UNC5C: variants seen among roughly 807,000 people sequenced by gnomAD.
The protein encoded by UNC5C is unc-5 netrin receptor C.
In UNC5C, 47 loss-of-function variants were observed where a neutral mutation model predicts 99.8. That is an observed-to-expected ratio of 0.47 (90% CI 0.37 to 0.60). The LOEUF (loss-of-function observed/expected upper bound fraction) is 0.60, where lower values mean the gene tolerates loss of function less well. Among genes scored for constraint, UNC5C ranks in the 20% least tolerant of loss-of-function variants. The probability of loss-of-function intolerance (pLI) is 0.00; values close to 1 mark genes in which losing one functional copy is unlikely to be tolerated. For synonymous variants in UNC5C, 487 were observed against 452.2 expected, an observed-to-expected ratio of 1.08 and a Z score of -0.98; for missense variants, 1,062 against 1,165.9, an observed-to-expected ratio of 0.91 and a Z score of 1.30.
At chr4:95,179,712 A>C (rs944254918) in intron 14 of UNC5C, among the ~76,000 whole-genome samples, 15 of 143,362 alleles carry the variant, frequency 1.0e-4, no homozygotes, top group Admixed American at 9.1e-4. Context: ...GTGCCACTGC[A>C]CTCCAGCCTG....
intron 1 of UNC5C, among the ~76,000 whole-genome samples, chr4:95,504,491 T>C (rs1429487096): frequency 6.6e-6 from 1 of 152,154 alleles, no homozygotes; most frequent in Non-Finnish European, 1.5e-5. Context: ...ACTAAACTTC[T>C]CAATAGCACT....
At chr4:95,255,134 C>T (rs753241325) in intron 4 of UNC5C, among the ~76,000 whole-genome samples, 6 of 152,012 alleles carry the variant, frequency 3.9e-5, no homozygotes, top group Non-Finnish European at 7.4e-5. Flanking sequence ...TGCCCACCAC[C>T]ATGCCAGGCT....
At chr4:95,440,127 T>C (rs147854496) in intron 1 of UNC5C, among the ~76,000 whole-genome samples, 98 of 152,306 alleles carry the variant, frequency 6.4e-4, no homozygotes, top group South Asian at 8.3e-4. Flanking sequence ...GATACCTTTG[T>C]TGGTTTTCCT....
intron 1 of UNC5C, among the ~76,000 whole-genome samples, chr4:95,418,580 G>A (rs1472549423): frequency 6.6e-6 from 1 of 152,028 alleles, no homozygotes; most frequent in African/African-American, 2.4e-5. Context: ...AGTAACTTGA[G>A]GCCTACTTTT....
rs1397963628 is a variant in UNC5C at position 95,328,505 on chromosome 4, G to C, written c.346+6905C>G. ...GTTGGTTCCAAGTCTTTGCTATTGT[G>C]AATAATGCCTCAATAAACATACGTG... On this transcript the variant is annotated intron_variant, in intron 2 of 15. Transcript: ENST00000453304. Among the ~76,000 whole-genome samples the C allele has an allele frequency of 4.3e-5, 6 of 139,676 alleles. No homozygotes were observed. In the Admixed American group the frequency reaches 4.7e-4, roughly 11 times the overall value. 91.6% of individuals were successfully genotyped at this position (139,676 alleles called of 152,430 possible). A position where few individuals can be genotyped will look rare whatever the true frequency, so the allele number is the denominator to read the frequency against.
chr4:95,437,383 C>G (rs1746824792), intron 1 of UNC5C, among the ~76,000 whole-genome samples: 1 of 151,492 alleles, frequency 6.6e-6, no homozygotes, highest in Admixed American at 6.6e-5. Flanking sequence ...TTATTAAGAC[C>G]AATAATTCCA....
chr4:95,260,566 G>A (rs892303209), intron 4 of UNC5C, among the ~76,000 whole-genome samples: 1 of 152,124 alleles, frequency 6.6e-6, no homozygotes, highest in African/African-American at 2.4e-5. Flanking sequence ...AAGGATTCTG[G>A]GGCAGATGGG....
intron 1 of UNC5C, among the ~76,000 whole-genome samples, chr4:95,425,361 A>G (rs913934497): frequency 1.3e-5 from 2 of 152,170 alleles, no homozygotes; most frequent in Admixed American, 1.3e-4. Flanking sequence ...TCGCTTTGTC[A>G]CCCAGGCTGG....
intron 1 of UNC5C, among the ~76,000 whole-genome samples, chr4:95,400,075 T>C (rs1745642021): frequency 6.6e-6 from 1 of 152,218 alleles, no homozygotes; most frequent in Admixed American, 6.5e-5. Flanking sequence ...TTTGCATATA[T>C]ATAGACTGTA....
chr4:95,365,482 C>T (rs1744530704), intron 1 of UNC5C, among the ~76,000 whole-genome samples: 2 of 148,498 alleles, frequency 1.3e-5, no homozygotes, highest in South Asian at 4.2e-4. Flanking sequence ...TATATATTTT[C>T]AAAATTAAAA....
chr4:95,195,595 C>T (rs930622852), intron 12 of UNC5C, among the ~76,000 whole-genome samples: 2 of 152,068 alleles, frequency 1.3e-5, no homozygotes, highest in African/African-American at 2.4e-5. Context: ...CACAGCTTGC[C>T]GAGGAAATGC....
chr4:95,401,486 T>G lies in UNC5C; in HGVS notation c.125-65855A>C, dbSNP rs139768650. Reference sequence around the variant, plus strand: ...CAGGCTAAGGTTTTTTTGTAGCTTTTTGCAGTGATGAGGGCTTAATATGTT... The same window carrying G: ...CAGGCTAAGGTTTTTTTGTAGCTTTGTGCAGTGATGAGGGCTTAATATGTT... On this transcript the variant is annotated intron_variant, in intron 1 of 15. Transcript: ENST00000453304. Among the ~76,000 whole-genome samples, 1,205 of 152,060 alleles carry G rather than the reference T, an allele frequency of 7.9e-3. 15 individuals carry two copies. Among genetic ancestry groups the G allele is most frequent in the Non-Finnish European group, 0.014 (968 of 67,950 alleles).
intron 3 of UNC5C, among the ~76,000 whole-genome samples, chr4:95,282,740 C>T (rs968554434): frequency 2.6e-5 from 4 of 152,180 alleles, no homozygotes; most frequent in African/African-American, 9.7e-5. Context: ...CTTCCTTCAT[C>T]TGGGTGTCAG....
At chr4:95,381,200 T>C (rs1278591175) in intron 1 of UNC5C, among the ~76,000 whole-genome samples, 6 of 152,232 alleles carry the variant, frequency 3.9e-5, no homozygotes, top group African/African-American at 1.4e-4. Flanking sequence ...GATGTATGCT[T>C]GCTTCTGAGT....
chr4:95,461,605 G>C (rs565391471), intron 1 of UNC5C, among the ~76,000 whole-genome samples: 1 of 152,116 alleles, frequency 6.6e-6, no homozygotes, highest in East Asian at 1.9e-4. Flanking sequence ...ATATTTTCTG[G>C]CCATTTGAAT....
intron 3 of UNC5C, among the ~76,000 whole-genome samples, chr4:95,289,021 C>T (rs1741346714): frequency 6.6e-6 from 1 of 152,156 alleles, no homozygotes; most frequent in African/African-American, 2.4e-5. Context: ...ATAGTTTAAT[C>T]CTAGTTCTGT....
chr4:95,190,157 G>A (rs1282917560), intron 12 of UNC5C, among the ~76,000 whole-genome samples: 6 of 152,128 alleles, frequency 3.9e-5, no homozygotes, highest in Non-Finnish European at 8.8e-5. Flanking sequence ...ATACTATGCA[G>A]CCATAAAAAA....
intron 1 of UNC5C, among the ~76,000 whole-genome samples, chr4:95,388,841 C>A (rs182284412): frequency 2.0e-5 from 3 of 152,252 alleles, no homozygotes; most frequent in Admixed American, 2.0e-4. Flanking sequence ...CAGAATCATG[C>A]TTTTAATTTC....
intron 1 of UNC5C, among the ~76,000 whole-genome samples, chr4:95,355,778 G>A (rs536323013): frequency 8.5e-5 from 13 of 152,148 alleles, no homozygotes; most frequent in South Asian, 4.1e-4. Context: ...TGAATAAATG[G>A]ATGAATACAT....
Sources: allele counts gnomAD v4.1 joint callset (sites outside exome capture counted in the v4.1 genomes callset), GRCh38; gene constraint gnomAD v4.1.1; transcripts MANE v1.5; gene names NCBI Gene and HGNC (gene_info 2026-07-23, HGNC 2026-07-21).